Variants in DLGAP1 observed in about 807,000 individuals in gnomAD.
DLGAP1 encodes the protein disks large-associated protein 1.
DLGAP1 carries 11 observed loss-of-function variants against 90.8 expected under a neutral mutation model. That is an observed-to-expected ratio of 0.12 (90% CI 0.08 to 0.20). The LOEUF is 0.20. DLGAP1 is among the 10% of genes least tolerant of loss of function. The probability of loss-of-function intolerance (pLI) is 1.00; values close to 1 mark genes in which losing one functional copy is unlikely to be tolerated. For synonymous variants in DLGAP1, 558 were observed against 540.7 expected (o/e 1.03, Z -0.44); for missense variants, 1,050 against 1,333.8 (o/e 0.79, Z 3.31).
At chr18:4,000,981 T>C (rs2074172782) in intron 3 of DLGAP1, among the ~76,000 whole-genome samples, 1 of 152,200 alleles carries the variant, frequency 6.6e-6, no homozygotes, top group Non-Finnish European at 1.5e-5. Context: ...GAATTATAAT[T>C]GATAATATTT....
At chr18:3,694,049 C>T (rs1454460232) in intron 7 of DLGAP1, among the ~76,000 whole-genome samples, 3 of 151,408 alleles carry the variant, frequency 2.0e-5, no homozygotes, top group Non-Finnish European at 4.4e-5. Flanking sequence ...CCCCTCAGCC[C>T]CCAACAGGCC....
intron 1 of DLGAP1, among the ~76,000 whole-genome samples, chr18:4,287,978 G>C (rs1023767750): frequency 1.3e-5 from 2 of 152,134 alleles, no homozygotes; most frequent in African/African-American, 4.8e-5. Context: ...ACTGAGAAGA[G>C]AGTGAACATT....
At chr18:3,940,225 G>T (rs9963258) in intron 3 of DLGAP1, among the ~76,000 whole-genome samples, 21,830 of 152,150 alleles carry the variant, frequency 0.14, 1,653 homozygotes, top group Middle Eastern at 0.18. Flanking sequence ...CCACATGAGT[G>T]CACCATCTTG....
At chr18:3,908,645 G>A (rs541328055) in intron 3 of DLGAP1, among the ~76,000 whole-genome samples, 1 of 152,228 alleles carries the variant, frequency 6.6e-6, no homozygotes, top group East Asian at 1.9e-4. Flanking sequence ...CCACTCTTAA[G>A]AAGAGTGAAA....
At chr18:4,323,279 A>G (rs904923345) in intron 1 of DLGAP1, among the ~76,000 whole-genome samples, 9 of 152,232 alleles carry the variant, frequency 5.9e-5, no homozygotes, top group African/African-American at 1.9e-4. Context: ...TATCTAAAAG[A>G]CAAAAGATAA....
intron 1 of DLGAP1, among the ~76,000 whole-genome samples, chr18:4,222,079 T>C (rs377177673): frequency 6.6e-6 from 1 of 152,112 alleles, no homozygotes; most frequent in Non-Finnish European, 1.5e-5. Context: ...TAAAACATCA[T>C]CTCTTTTCAT....
intron 5 of DLGAP1, among the ~76,000 whole-genome samples, chr18:3,774,998 T>G (rs1027457807): frequency 6.6e-6 from 1 of 152,184 alleles, no homozygotes; most frequent in African/African-American, 2.4e-5. Context: ...GAAGAAAGAC[T>G]GAAGTCTGTC....
chr18:3,496,347 T>C lies in DLGAP1; in HGVS notation c.*2838A>G, dbSNP rs2143510232. The C allele has an allele frequency of 6.6e-6, 1 of 152,290 alleles. No homozygotes were observed. The highest frequency in any genetic ancestry group is 1.5e-5 in the Non-Finnish European group (1 of 68,004). The allele number at this position is 152,290 out of a possible 1,614,324, so 9.4% of individuals were successfully genotyped here. On this transcript the variant is annotated 3_prime_UTR_variant, in exon 13 of 13. Coordinates refer to ENST00000315677, the MANE Select transcript of DLGAP1 (RefSeq NM_004746.4). ...TAAATTCACAAGGATAAGGCTTAAA[T>C]GAAAGTGGTAATGCACAGTAAAACA...
chr18:4,092,803 A>T (rs1159053727), intron 2 of DLGAP1, among the ~76,000 whole-genome samples: 1 of 152,084 alleles, frequency 6.6e-6, no homozygotes, highest in East Asian at 1.9e-4. Flanking sequence ...CACCCAGTAA[A>T]GGTCTGTGGA....
At chr18:3,894,755 A>G (rs1480540827) in intron 3 of DLGAP1, 1 of 152,136 alleles carries the variant, frequency 6.6e-6, no homozygotes. Flanking sequence ...GGCCATGCTA[A>G]TCTTCTCTGT....
intron 4 of DLGAP1, among the ~76,000 whole-genome samples, chr18:3,862,171 T>A (rs1228904705): frequency 6.6e-6 from 1 of 152,122 alleles, no homozygotes; most frequent in East Asian, 1.9e-4. Flanking sequence ...ATAAGCAATG[T>A]GGGGTAGACA....
At chr18:4,381,358 C>A (rs1218120798) in intron 1 of DLGAP1, among the ~76,000 whole-genome samples, 1 of 152,002 alleles carries the variant, frequency 6.6e-6, no homozygotes, top group African/African-American at 2.4e-5. Context: ...AGAATGATGC[C>A]CAATTGATAA....
At chr18:3,507,312 C>A (rs574181128) in intron 11 of DLGAP1, among the ~76,000 whole-genome samples, 1 of 118,686 alleles carries the variant, frequency 8.4e-6, no homozygotes, top group East Asian at 2.3e-4. Context: ...CATGAAAACC[C>A]GTCTCTACTA....
chr18:4,143,718 A>G (rs1252080057), intron 2 of DLGAP1, among the ~76,000 whole-genome samples: 1 of 151,928 alleles, frequency 6.6e-6, no homozygotes, highest in East Asian at 2.0e-4. Context: ...CTGGGGATGT[A>G]TTGGGTCACA....
chr18:3,875,012 A>T (rs548502380), intron 4 of DLGAP1, among the ~76,000 whole-genome samples: 1 of 152,322 alleles, frequency 6.6e-6, no homozygotes, highest in African/African-American at 2.4e-5. Flanking sequence ...AATTAAGCGA[A>T]TTCTAAGTGA....
intron 5 of DLGAP1, among the ~76,000 whole-genome samples, chr18:3,744,158 T>A (rs911229396): frequency 3.3e-5 from 5 of 152,110 alleles, no homozygotes; most frequent in African/African-American, 1.2e-4. Context: ...AATATAAACA[T>A]TGTAAAGAGA....
At chr18:4,032,784 G>A (rs2074817833) in intron 2 of DLGAP1, among the ~76,000 whole-genome samples, 1 of 152,048 alleles carries the variant, frequency 6.6e-6, no homozygotes, top group South Asian at 2.1e-4. Context: ...CTATAGGAGT[G>A]TTTAAATTAT....
chr18:3,636,187 C>T (rs2058708151), intron 7 of DLGAP1, among the ~76,000 whole-genome samples: 1 of 151,166 alleles, frequency 6.6e-6, no homozygotes, highest in Non-Finnish European at 1.5e-5. Context: ...CTCCTATCAT[C>T]CTTCAGGTGT....
chr18:3,676,922 C>G (rs1461129030), intron 7 of DLGAP1, among the ~76,000 whole-genome samples: 3 of 152,150 alleles, frequency 2.0e-5, no homozygotes, highest in Non-Finnish European at 4.4e-5. Flanking sequence ...TATTGACATA[C>G]TTTTTCTTTC....
Sources: allele counts gnomAD v4.1 joint callset (sites outside exome capture counted in the v4.1 genomes callset), GRCh38; gene constraint gnomAD v4.1.1; transcripts MANE v1.5; gene names NCBI Gene and HGNC (gene_info 2026-07-23, HGNC 2026-07-21).